The following C8orf89 variants were observed in gnomAD, a reference collection of about 807,000 sequenced individuals.
The protein encoded by C8orf89 is putative uncharacterized protein C8orf89.
C8orf89 carries 14 observed loss-of-function variants against 15.8 expected under a neutral mutation model. That is an observed-to-expected ratio of 0.89 (90% CI 0.59 to 1.39). The LOEUF (loss-of-function observed/expected upper bound fraction) is 1.39, where lower values mean the gene tolerates loss of function less well. Among genes scored for constraint, C8orf89 ranks in the 40% most tolerant of loss-of-function variants. The pLI, the probability that C8orf89 is intolerant of heterozygous loss-of-function variation, is 0.00. For synonymous variants in C8orf89, 55 were observed against 62.2 expected, an observed-to-expected ratio of 0.88 and a Z score of 0.54; for missense variants, 181 against 184.5, an observed-to-expected ratio of 0.98 and a Z score of 0.11.
intron 1 of C8orf89, among the ~76,000 whole-genome samples, chr8:73,258,207 C>T (rs530921932): frequency 1.2e-4 from 18 of 152,068 alleles, no homozygotes; most frequent in Admixed American, 5.9e-4. Flanking sequence ...GTCAGGAGAT[C>T]GAGACCATCC....
chr8:73,283,488 A>G, the C8orf89 span, among the ~76,000 whole-genome samples: 1 of 152,330 alleles, frequency 6.6e-6, no homozygotes, highest in African/African-American at 2.4e-5. Flanking sequence ...GACTCTCATA[A>G]GGTGAGGATT....
the C8orf89 span, among the ~76,000 whole-genome samples, chr8:73,264,717 C>G: frequency 6.6e-6 from 1 of 152,190 alleles, no homozygotes; most frequent in Admixed American, 6.5e-5. Context: ...TCTCAAACTC[C>G]TGACCTCAAG....
chr8:73,242,093 T>C (rs1289864497), intron 3 of C8orf89, among the ~76,000 whole-genome samples: 1 of 152,162 alleles, frequency 6.6e-6, no homozygotes, highest in Non-Finnish European at 1.5e-5. Context: ...AAAGATTTCC[T>C]GAGTAATACC....
At chr8:73,273,727 G>C in the C8orf89 span, among the ~76,000 whole-genome samples, 1 of 150,714 alleles carries the variant, frequency 6.6e-6, no homozygotes, top group East Asian at 2.0e-4. Flanking sequence ...AACTTGTGGT[G>C]CTTTTTTGTT....
At chr8:73,254,876 C>T (rs1236829644) in intron 2 of C8orf89, among the ~76,000 whole-genome samples, 1 of 152,120 alleles carries the variant, frequency 6.6e-6, no homozygotes, top group Non-Finnish European at 1.5e-5. Flanking sequence ...GAAAGGATTC[C>T]CTATTTAATA....
the C8orf89 span, among the ~76,000 whole-genome samples, chr8:73,280,084 G>A: frequency 6.6e-6 from 1 of 152,134 alleles, no homozygotes; most frequent in Non-Finnish European, 1.5e-5. Flanking sequence ...CTAAGTTTTG[G>A]AGAAATTTGT....
intron 2 of C8orf89, among the ~76,000 whole-genome samples, chr8:73,252,889 C>T (rs1813278686): frequency 6.6e-6 from 1 of 152,162 alleles, no homozygotes; most frequent in African/African-American, 2.4e-5. Flanking sequence ...CGCCTGTAAT[C>T]CCAGCACTTT....
chr8:73,270,861 A>G, the C8orf89 span, among the ~76,000 whole-genome samples: 1 of 152,358 alleles, frequency 6.6e-6, no homozygotes, highest in Non-Finnish European at 1.5e-5. Context: ...CCACTTCCAA[A>G]ATCTGAAAGC....
At chr8:73,267,715 A>T in the C8orf89 span, among the ~76,000 whole-genome samples, 1 of 152,230 alleles carries the variant, frequency 6.6e-6, no homozygotes, top group Non-Finnish European at 1.5e-5. Context: ...CTAATTAAAC[A>T]CTAATCTAGG....
chr8:73,241,418 A>G lies in C8orf89; in HGVS notation c.*39T>C. The G allele has an allele frequency of 2.9e-6, 4 of 1,381,158 alleles. No individual in the cohort carries two copies. Among genetic ancestry groups the G allele is most frequent in the Non-Finnish European group, 3.8e-6 (4 of 1,064,546 alleles). The allele number at this position is 1,381,158 out of a possible 1,614,324, so 85.6% of individuals were successfully genotyped here. A position where few individuals can be genotyped will look rare whatever the true frequency, so the allele number is the denominator to read the frequency against. On this transcript the variant is annotated 3_prime_UTR_variant, in exon 4 of 4. Coordinates refer to ENST00000624510, the MANE Select transcript of C8orf89 (RefSeq NM_001243237.3). ...TATAAAAAAAGAAAATATAAAGCTT[A>G]AAAGTCACTGAAGAAAGCATCACAC...
chr8:73,249,956 G>T (rs1813211938), intron 3 of C8orf89, among the ~76,000 whole-genome samples: 2 of 152,136 alleles, frequency 1.3e-5, no homozygotes, highest in African/African-American at 4.8e-5. Context: ...GTGATTAGAA[G>T]TCAAAGTTTT....
At chr8:73,244,158 T>C (rs1455978817) in intron 3 of C8orf89, among the ~76,000 whole-genome samples, 1 of 152,074 alleles carries the variant, frequency 6.6e-6, no homozygotes, top group African/African-American at 2.4e-5. Context: ...TAAAATAAAA[T>C]CGTTCACTTA....
chr8:73,248,195 G>C (rs1262455643), intron 3 of C8orf89, among the ~76,000 whole-genome samples: 2 of 152,136 alleles, frequency 1.3e-5, no homozygotes, highest in African/African-American at 4.8e-5. Flanking sequence ...ATTGAATAGG[G>C]AGAACTTTCC....
At chr8:73,242,031 A>G (rs769666734) in intron 3 of C8orf89, among the ~76,000 whole-genome samples, 3 of 152,186 alleles carry the variant, frequency 2.0e-5, no homozygotes, top group Non-Finnish European at 2.9e-5. Flanking sequence ...ACCTCAAACT[A>G]TGAATACTAA....
chr8:73,277,727 C>T, the C8orf89 span: 1 of 748,124 alleles, frequency 1.3e-6, no homozygotes, highest in South Asian at 1.3e-5. Context: ...TAGAGGGGGA[C>T]ACCCAGCTCG....
upstream of C8orf89, among the ~76,000 whole-genome samples, chr8:73,263,563 T>C (rs551757412): frequency 4.3e-4 from 65 of 152,302 alleles, no homozygotes; most frequent in African/African-American, 1.5e-3. Context: ...AGATTTCCTT[T>C]TATCACCTAG....
chr8:73,268,513 A>G, the C8orf89 span, among the ~76,000 whole-genome samples: 1 of 152,080 alleles, frequency 6.6e-6, no homozygotes, highest in Non-Finnish European at 1.5e-5. Flanking sequence ...AACATAGCAA[A>G]CAATTGCAGT....
chr8:73,252,344 G>A (rs571619801), intron 2 of C8orf89, among the ~76,000 whole-genome samples: 2 of 152,218 alleles, frequency 1.3e-5, no homozygotes, highest in Admixed American at 6.5e-5. Context: ...AGAACATATA[G>A]TGGCATGACA....
At chr8:73,250,145 C>A in intron 3 of C8orf89, 123 bp downstream of exon 3, 1 of 615,352 alleles carries the variant, frequency 1.6e-6, no homozygotes. Context: ...ATAAACAAAG[C>A]TTAAAAGAAG....
Sources: gnomAD v4.1 joint callset for allele counts (sites outside exome capture counted in the v4.1 genomes callset) on GRCh38, gnomAD v4.1.1 for gene constraint, MANE v1.5 for transcripts, NCBI Gene and HGNC (gene_info 2026-07-23, HGNC 2026-07-21) for gene names.